BCHE: variants seen among roughly 807,000 people sequenced by gnomAD.
BCHE encodes the protein butyrylcholinesterase, also known as cholinesterase.
In BCHE, 48 loss-of-function variants were observed where a neutral mutation model predicts 51.3. The ratio of observed to expected loss-of-function variants is 0.94; its 90% confidence interval spans 0.74 to 1.19. The LOEUF (loss-of-function observed/expected upper bound fraction) is 1.19, where lower values mean the gene tolerates loss of function less well. BCHE is among the 50% of genes most tolerant of loss of function. BCHE has a pLI of 0.00. For missense variants in BCHE, 847 were observed against 708.2 expected, an observed-to-expected ratio of 1.20 and a Z score of -2.23; for synonymous variants, 251 against 238.0, an observed-to-expected ratio of 1.05 and a Z score of -0.50.
At chr3:165,776,826 T>C (rs915837573) in intron 3 of BCHE, among the ~76,000 whole-genome samples, 2 of 151,796 alleles carry the variant, frequency 1.3e-5, no homozygotes, top group Admixed American at 1.3e-4. Context: ...TAAAGTCCTC[T>C]TTATTCATAC....
At chr3:165,831,894 T>C (rs1194336762) in intron 1 of BCHE, among the ~76,000 whole-genome samples, 1 of 152,218 alleles carries the variant, frequency 6.6e-6, no homozygotes, top group Non-Finnish European at 1.5e-5. Context: ...AGAGGAATTT[T>C]ATACTCAGTA....
intron 2 of BCHE, among the ~76,000 whole-genome samples, chr3:165,812,908 G>C (rs1714156273): frequency 6.6e-6 from 1 of 151,838 alleles, no homozygotes; most frequent in Non-Finnish European, 1.5e-5. Context: ...AGTTCTTCCA[G>C]AATTTTTTTC....
intron 2 of BCHE, among the ~76,000 whole-genome samples, chr3:165,815,496 G>T (rs1714280134): frequency 6.6e-6 from 1 of 152,094 alleles, no homozygotes; most frequent in Non-Finnish European, 1.5e-5. Flanking sequence ...CTTCTTTAGA[G>T]AATTGCTACA....
At chr3:165,809,097 G>A (rs1382085677) in intron 2 of BCHE, among the ~76,000 whole-genome samples, 2 of 152,154 alleles carry the variant, frequency 1.3e-5, no homozygotes, top group African/African-American at 2.4e-5. Flanking sequence ...TGATCCATAT[G>A]TATTTCTCAA....
intron 3 of BCHE, among the ~76,000 whole-genome samples, chr3:165,784,830 A>G (rs1712880734): frequency 6.6e-6 from 1 of 151,826 alleles, no homozygotes; most frequent in East Asian, 1.9e-4. Context: ...TCATATAAAA[A>G]TATTTTAAAT....
intron 2 of BCHE, among the ~76,000 whole-genome samples, chr3:165,801,657 A>G (rs976390938): frequency 6.6e-6 from 1 of 152,218 alleles, no homozygotes; most frequent in African/African-American, 2.4e-5. Context: ...CATGAGAAGT[A>G]TTCCTGCCAA....
chr3:165,806,359 G>A (rs1713864226), intron 2 of BCHE, among the ~76,000 whole-genome samples: 1 of 152,108 alleles, frequency 6.6e-6, no homozygotes, highest in South Asian at 2.1e-4. Flanking sequence ...AAGCTTCTAA[G>A]ACTGGACTGA....
At chr3:165,805,124 T>C (rs1713821980) in intron 2 of BCHE, among the ~76,000 whole-genome samples, 1 of 152,198 alleles carries the variant, frequency 6.6e-6, no homozygotes, top group South Asian at 2.1e-4. Flanking sequence ...TGTAATCTAG[T>C]AGAATCTACT....
intron 2 of BCHE, among the ~76,000 whole-genome samples, chr3:165,789,585 TGA>T (rs983934171): frequency 3.9e-5 from 6 of 152,144 alleles, no homozygotes; most frequent in Non-Finnish European, 7.4e-5. Flanking sequence ...TAGTAATTTT[TGA>T]GAGAATATAT....
chr3:165,791,118 A>G (rs1374899477), intron 2 of BCHE, among the ~76,000 whole-genome samples: 2 of 151,996 alleles, frequency 1.3e-5, no homozygotes, highest in African/African-American at 4.8e-5. Context: ...AACATGGTGA[A>G]ACCCCGTCTT....
intron 3 of BCHE, among the ~76,000 whole-genome samples, chr3:165,782,096 C>T (rs984417837): frequency 2.0e-5 from 3 of 152,078 alleles, no homozygotes; most frequent in Admixed American, 6.6e-5. Context: ...AGGCTCTCTA[C>T]ATAAACATGA....
rs1305268785 is a variant in BCHE, at chr3:165,837,315, C to T, written c.-10G>A. ...AGGTGTAAATTCAGAGCAACTTACCCGATTCTCTGCAACAAAGATGGCAAA... is the reference window on the plus strand; with the variant it reads ...AGGTGTAAATTCAGAGCAACTTACCTGATTCTCTGCAACAAAGATGGCAAA... On this transcript the variant is annotated splice_region_variant and 5_prime_UTR_variant, in exon 1 of 4. Transcript: ENST00000264381. 2 of 1,288,606 alleles carry T rather than the reference C, an allele frequency of 1.6e-6. No homozygotes were observed. Among genetic ancestry groups the T allele is most frequent in the East Asian group, 5.6e-5 (1 of 18,010 alleles). The allele number at this position is 1,288,606 out of a possible 1,614,324, so 79.8% of individuals were successfully genotyped here. A position where few individuals can be genotyped will look rare whatever the true frequency, so the allele number is the denominator to read the frequency against.
chr3:165,798,222 C>T (rs1172921923), intron 2 of BCHE, among the ~76,000 whole-genome samples: 1 of 152,066 alleles, frequency 6.6e-6, no homozygotes, highest in East Asian at 1.9e-4. Context: ...ATACTGCATA[C>T]ACTTGAAACT....
intron 1 of BCHE, 53 bp from the exon 2 acceptor site, chr3:165,831,094 A>G: frequency 1.4e-6 from 2 of 1,430,242 alleles, no homozygotes; most frequent in Non-Finnish European, 1.9e-6. Flanking sequence ...ATAGCATATT[A>G]TACTTTATTG....
intron 2 of BCHE, among the ~76,000 whole-genome samples, chr3:165,812,370 T>A (rs1714135134): frequency 6.6e-6 from 1 of 151,858 alleles, no homozygotes; most frequent in Admixed American, 6.6e-5. Context: ...TATCAACATT[T>A]TTACTCTATA....
intron 2 of BCHE, among the ~76,000 whole-genome samples, chr3:165,813,048 A>T (rs2108223133): frequency 1.2e-5 from 1 of 84,518 alleles, no homozygotes; most frequent in Non-Finnish European, 3.3e-5. Context: ...ATTCCATGAG[A>T]GTCCTTTTTT....
At chr3:165,802,628 G>A (rs796646529) in intron 2 of BCHE, among the ~76,000 whole-genome samples, 1 of 137,212 alleles carries the variant, frequency 7.3e-6, no homozygotes, top group Non-Finnish European at 1.6e-5. Context: ...AGGAAAATTT[G>A]TTTTTTTTTT....
chr3:165,806,652 C>A (rs572237380), intron 2 of BCHE, among the ~76,000 whole-genome samples: 7 of 152,108 alleles, frequency 4.6e-5, no homozygotes, highest in African/African-American at 1.7e-4. Flanking sequence ...ATTTTATGAT[C>A]ATCATTTACA....
intron 2 of BCHE, among the ~76,000 whole-genome samples, chr3:165,817,146 T>A (rs988489542): frequency 6.6e-6 from 1 of 152,078 alleles, no homozygotes; most frequent in African/African-American, 2.4e-5. Flanking sequence ...TTTTGCAGTG[T>A]AGTATCCTTG....
Sources: allele counts gnomAD v4.1 joint callset (sites outside exome capture counted in the v4.1 genomes callset), GRCh38; gene constraint gnomAD v4.1.1; transcripts MANE v1.5; gene names NCBI Gene and HGNC (gene_info 2026-07-23, HGNC 2026-07-21).